Variants in MYOM1 observed in about 807,000 individuals in gnomAD.
MYOM1 encodes the protein myomesin-1.
A neutral mutation model predicts 205.3 loss-of-function variants in MYOM1; 164 were observed. That is an observed-to-expected ratio of 0.80 (90% CI 0.70 to 0.91). The LOEUF is 0.91. Among genes scored for constraint, MYOM1 ranks in the 40% least tolerant of loss-of-function variants. The pLI is 0.00. For missense variants in MYOM1, 2,011 were observed against 2,127.3 expected, an observed-to-expected ratio of 0.95 and a Z score of 1.08; for synonymous variants, 772 against 789.4, an observed-to-expected ratio of 0.98 and a Z score of 0.37.
At chr18:3,246,472 T>C in the MYOM1 span, 1 of 152,206 alleles carries the variant, frequency 6.6e-6, no homozygotes, top group Non-Finnish European at 1.5e-5. Context: ...TCAAGGAAGT[T>C]TGGGAAACAG....
intron 5 of MYOM1, among the ~76,000 whole-genome samples, chr18:3,181,848 C>T (rs2080737047): frequency 6.6e-6 from 1 of 151,696 alleles, no homozygotes; most frequent in South Asian, 2.1e-4. Context: ...ATTCTCCTGC[C>T]TCAGCCTCCT....
intron 34 of MYOM1, among the ~76,000 whole-genome samples, chr18:3,078,423 ATTT>A (rs201880042): frequency 6.8e-6 from 1 of 147,232 alleles, no homozygotes; most frequent in Non-Finnish European, 1.5e-5. Flanking sequence ...AGACTATTTT[ATTT>A]TATTTATTTT....
intron 16 of MYOM1, among the ~76,000 whole-genome samples, chr18:3,132,118 G>GTATATATATATATATATATATATATA (rs1555621173): frequency 2.1e-5 from 3 of 143,452 alleles, no homozygotes; most frequent in Admixed American, 7.1e-5. Context: ...ATATGTGTGT[G>GTATATATATATATATATATATATATA]TATATATATA....
chr18:3,089,838 G>C (rs909044871), intron 27 of MYOM1, among the ~76,000 whole-genome samples: 3 of 152,190 alleles, frequency 2.0e-5, no homozygotes, highest in African/African-American at 7.2e-5. Flanking sequence ...GATCTGGCCG[G>C]CCTTTCCATT....
intron 11 of MYOM1, among the ~76,000 whole-genome samples, chr18:3,153,349 C>G (rs1331711317): frequency 6.6e-6 from 1 of 152,144 alleles, no homozygotes; most frequent in Non-Finnish European, 1.5e-5. Flanking sequence ...GCCTCATTTC[C>G]TACTTGAAAT....
rs373459931 is a variant in MYOM1, at chr18:3,112,383, G to A, written c.3333C>T (p.Tyr1111=). The A allele has an allele frequency of 1.2e-5, 20 of 1,610,356 alleles. No homozygotes were observed. The East Asian group carries it at 2.0e-4, about 16-fold the overall frequency. Residue 1111 remains tyrosine (Y), a synonymous_variant, in exon 22 of 38, where the codon TAC becomes TAT. Coordinates refer to ENST00000356443, the MANE Select transcript of MYOM1 (RefSeq NM_003803.4). ...KVRGLKEGVS[Y]VFRVRAINQA... is the part of the protein sequence containing the mutation. ...GGTTTATGGCTCGAACACGGAACAC[G>A]TAGCTGACGCCCTCCTTGAGGCCTC...
At chr18:3,141,120 C>G (rs976266126) in intron 14 of MYOM1, among the ~76,000 whole-genome samples, 1 of 152,178 alleles carries the variant, frequency 6.6e-6, no homozygotes. Context: ...TTCTTACCCC[C>G]ACTAAGACCT....
intron 21 of MYOM1, among the ~76,000 whole-genome samples, chr18:3,114,874 C>G (rs906998865): frequency 7.2e-5 from 11 of 152,102 alleles, no homozygotes; most frequent in African/African-American, 2.4e-4. Flanking sequence ...CTCTCTGTCT[C>G]TCTGTTAAAA....
At chr18:3,092,184 T>A (rs777713593) in intron 26 of MYOM1, among the ~76,000 whole-genome samples, 4 of 151,758 alleles carry the variant, frequency 2.6e-5, no homozygotes, top group South Asian at 2.1e-4. Context: ...TGAAAAAAAA[T>A]GCTTCTAAAT....
chr18:3,112,264 T>C (rs749574909), intron 22 of MYOM1, 34 bp downstream of exon 22: 7 of 1,572,654 alleles, frequency 4.5e-6, no homozygotes, highest in South Asian at 1.1e-5. Context: ...CTTACACAGA[T>C]AGGATTAGTT....
At chr18:3,081,102 G>A (rs2079080379) in intron 33 of MYOM1, among the ~76,000 whole-genome samples, 1 of 151,066 alleles carries the variant, frequency 6.6e-6, no homozygotes, top group African/African-American at 2.4e-5. Context: ...CTGCACTCCA[G>A]CCTGGGTGAC....
chr18:3,067,279 C>T lies in MYOM1; in HGVS notation c.5041G>A (p.Gly1681Ser), dbSNP rs769553242. 1.9e-6 allele frequency: 3 copies of T among 1,603,948 alleles called. No homozygotes were observed. The highest frequency in any genetic ancestry group is 1.3e-5 in the African/African-American group (1 of 74,814). ...ACCTCCGGTCACTTGGCCTTCTTGC[C>T]ACCTTTCAGGGACTCCAAGGCGGCC... ...RMAALESLKGGKKAK is the reference protein window; with the variant it reads ...RMAALESLKGSKKAK The change falls in exon 38 of 38, where the codon GGC becomes AGC. Residue 1681 changes from glycine to serine, a missense_variant. Physicochemically the swap from Gly to Ser is moderately conservative, Grantham distance 56 (BLOSUM62 0). Coordinates refer to ENST00000356443, the MANE Select transcript of MYOM1 (RefSeq NM_003803.4).
the MYOM1 span, chr18:3,247,291 A>G: frequency 6.6e-6 from 1 of 152,304 alleles, no homozygotes; most frequent in Non-Finnish European, 1.5e-5. Context: ...GCTAGCATCA[A>G]GATCCGCTCC....
chr18:3,108,163 T>C (rs2079475745), intron 22 of MYOM1, among the ~76,000 whole-genome samples: 1 of 152,204 alleles, frequency 6.6e-6, no homozygotes, highest in South Asian at 2.1e-4. Context: ...TCAGGGAGAC[T>C]GATTTGACTG....
intron 8 of MYOM1, among the ~76,000 whole-genome samples, chr18:3,173,711 T>C (rs1009330865): frequency 3.9e-5 from 6 of 151,954 alleles, no homozygotes; most frequent in African/African-American, 1.5e-4. Flanking sequence ...TAGCCCATCA[T>C]ATCTGGGCTT....
At chr18:3,128,225 A>C (rs2143872698) in intron 18 of MYOM1, among the ~76,000 whole-genome samples, 1 of 152,282 alleles carries the variant, frequency 6.6e-6, no homozygotes, top group Non-Finnish European at 1.5e-5. Context: ...CTCTCCCTCT[A>C]TTTCAGAGCA....
At chr18:3,109,137 G>A (rs11081007) in intron 22 of MYOM1, among the ~76,000 whole-genome samples, 86,740 of 151,546 alleles carry the variant, frequency 0.57, 25,981 homozygotes, top group East Asian at 0.76. Context: ...CCCGCCACAC[G>A]CCCAGCTAAT....
chr18:3,071,177 C>T (rs555182711), intron 37 of MYOM1, among the ~76,000 whole-genome samples: 58 of 152,268 alleles, frequency 3.8e-4, no homozygotes, highest in African/African-American at 1.3e-3. Context: ...TTTTCATATT[C>T]CACTCTGTTG....
At chr18:3,069,691 CCT>C (rs1346683275) in intron 37 of MYOM1, among the ~76,000 whole-genome samples, 14 of 151,360 alleles carry the variant, frequency 9.2e-5, no homozygotes, top group African/African-American at 3.4e-4. Context: ...CCAAACACCC[CCT>C]GACAGTCTAG....
Sources: allele counts gnomAD v4.1 joint callset (sites outside exome capture counted in the v4.1 genomes callset), GRCh38; gene constraint gnomAD v4.1.1; transcripts MANE v1.5; gene names NCBI Gene and HGNC (gene_info 2026-07-23, HGNC 2026-07-21).